ANKRD30A: variants seen among roughly 807,000 people sequenced by gnomAD.
ANKRD30A encodes ankyrin repeat domain 30A.
ANKRD30A carries 170 observed loss-of-function variants against 166.3 expected under a neutral mutation model. The observed-to-expected ratio is 1.02, with a 90% CI of 0.90 to 1.16. ANKRD30A has a LOEUF of 1.16. Among genes scored for constraint, ANKRD30A ranks in the 50% most tolerant of loss-of-function variants. The probability of loss-of-function intolerance (pLI) is 0.00; values close to 1 mark genes in which losing one functional copy is unlikely to be tolerated. For synonymous variants in ANKRD30A, 564 were observed against 508.9 expected (o/e 1.11, Z -1.46); for missense variants, 1,630 against 1,518.0 (o/e 1.07, Z -1.23).
At chr10:37,212,910 T>C (rs553409291) in intron 31 of ANKRD30A, among the ~76,000 whole-genome samples, 185 of 152,032 alleles carry the variant, frequency 1.2e-3, no homozygotes, top group African/African-American at 4.4e-3. Context: ...TTTGTCTAAG[T>C]TGTCATGTTT....
At chr10:37,205,956 A>G (rs1841966428) in intron 31 of ANKRD30A, among the ~76,000 whole-genome samples, 1 of 152,200 alleles carries the variant, frequency 6.6e-6, no homozygotes. Flanking sequence ...ATGTCAAGAC[A>G]TAACAGAGTC....
the ANKRD30A span, among the ~76,000 whole-genome samples, chr10:37,250,350 G>A: frequency 1.4e-4 from 22 of 152,182 alleles, no homozygotes; most frequent in Middle Eastern, 3.4e-3. Flanking sequence ...CAGAGAAGGA[G>A]CATTCATGGC....
chr10:37,149,609 A>G, intron 9 of ANKRD30A, 42 bp from the exon 10 acceptor site: 2 of 1,599,124 alleles, frequency 1.3e-6, no homozygotes, highest in South Asian at 2.2e-5. Context: ...TGGCATTGTC[A>G]TACTTACTTA....
intron 27 of ANKRD30A, among the ~76,000 whole-genome samples, chr10:37,195,509 C>T (rs1418795641): frequency 6.6e-6 from 1 of 152,142 alleles, no homozygotes; most frequent in Non-Finnish European, 1.5e-5. Context: ...CTGGTTGTAA[C>T]TCCAGCAGTT....
At position 37,147,458 on chromosome 10, in the gene ANKRD30A, G is replaced by A; in HGVS notation, c.1543+1G>A. ...ATGGAGATAAATAGAGAAGTAGAAGGTAAGAACGATTTTTTATTTGAAAAG... is the reference window on the plus strand; with the variant it reads ...ATGGAGATAAATAGAGAAGTAGAAGATAAGAACGATTTTTTATTTGAAAAG... On this transcript the variant is annotated splice_donor_variant, in intron 9 of 35. Coordinates refer to ENST00000361713, the MANE Select transcript of ANKRD30A (RefSeq NM_052997.3). LOFTEE classifies it high-confidence loss of function. 2 of 1,555,488 alleles carry A rather than the reference G, an allele frequency of 1.3e-6. No individual in the cohort carries two copies. Among genetic ancestry groups the A allele is most frequent in the South Asian group, 2.4e-5 (2 of 84,628 alleles).
At chr10:37,242,226 G>A in the ANKRD30A span, among the ~76,000 whole-genome samples, 1 of 152,154 alleles carries the variant, frequency 6.6e-6, no homozygotes, top group Admixed American at 6.5e-5. Flanking sequence ...CTTCAATTGA[G>A]TTTTTGTAAT....
chr10:37,243,333 A>G, the ANKRD30A span, among the ~76,000 whole-genome samples: 1 of 147,364 alleles, frequency 6.8e-6, no homozygotes, highest in South Asian at 2.2e-4. Context: ...TTTAGTAGAG[A>G]CGGGTTTTCA....
intron 4 of ANKRD30A, 61 bp from the exon 5 acceptor site, chr10:37,133,855 G>T: frequency 6.4e-7 from 1 of 1,571,030 alleles, no homozygotes; most frequent in South Asian, 1.1e-5. Context: ...ATTCTACAAT[G>T]ACAGGCACAT....
chr10:37,130,023 A>AT lies in ANKRD30A; in HGVS notation c.336+21dup. ...TCTGATGAAGGTAAATAGTAGCCAG[A>AT]TTTTTCAGCAGGAGATGGATTTGGT... On this transcript the variant is annotated intron_variant, in intron 2 of 35. Transcript: ENST00000361713. 6.8e-7 allele frequency: 1 copy of AT among 1,463,352 alleles called. No homozygotes were observed. The highest frequency in any genetic ancestry group is 9.1e-7 in the Non-Finnish European group (1 of 1,101,524). 90.6% of individuals were successfully genotyped at this position (1,463,352 alleles called of 1,614,324 possible).
At chr10:37,217,010 T>A (rs1307107143) in intron 32 of ANKRD30A, among the ~76,000 whole-genome samples, 1 of 151,010 alleles carries the variant, frequency 6.6e-6, no homozygotes, top group Admixed American at 6.6e-5. Flanking sequence ...CTACATAAAA[T>A]GAATTCAGAG....
chr10:37,254,062 T>A, the ANKRD30A span, among the ~76,000 whole-genome samples: 1 of 152,252 alleles, frequency 6.6e-6, no homozygotes, highest in Non-Finnish European at 1.5e-5. Context: ...TGCTTGCCAA[T>A]TCACTGTTGG....
intron 1 of ANKRD30A, 90 bp from the exon 2 acceptor site, chr10:37,129,803 C>T (rs530336955): frequency 4.2e-5 from 26 of 613,256 alleles, no homozygotes; most frequent in African/African-American, 3.2e-4. Context: ...AGAGAAAGAG[C>T]GTGGTATTTA....
At position 37,167,601 on chromosome 10, in the gene ANKRD30A, T is replaced by G. The variant is rs554804527; in HGVS notation, c.2155+906T>G. ...TGCAACTAAATTTAAATGAAATACA[T>G]CAATATTGAAAGCTTATTAAATTTG... On this transcript the variant is annotated intron_variant, in intron 19 of 35. Coordinates refer to ENST00000361713, the MANE Select transcript of ANKRD30A (RefSeq NM_052997.3). Among the ~76,000 whole-genome samples, 5 of 151,928 alleles carry G rather than the reference T, an allele frequency of 3.3e-5. No homozygotes were observed. In the South Asian group the frequency reaches 6.2e-4, roughly 19 times the overall value.
At chr10:37,178,129 G>A (rs1433296755) in intron 24 of ANKRD30A, among the ~76,000 whole-genome samples, 17 of 151,292 alleles carry the variant, frequency 1.1e-4, no homozygotes, top group Non-Finnish European at 1.5e-5. Flanking sequence ...TGATTGTTTA[G>A]GAAAAGATCG....
intron 31 of ANKRD30A, among the ~76,000 whole-genome samples, chr10:37,204,398 G>A (rs987820238): frequency 6.6e-5 from 10 of 152,142 alleles, no homozygotes; most frequent in African/African-American, 1.2e-4. Flanking sequence ...ATGGTGCTGG[G>A]AAAACTGGCT....
rs1379638955 is a variant in ANKRD30A at position 37,195,274 on chromosome 10, TCAAA to T, written c.2615-2002_2615-1999del. ...TTTTTCTTTTTCAAAAAGATATAAA[TCAAA>T]CAAAATCAAAATTTTGTTTATAATG... On this transcript the variant is annotated intron_variant, in intron 27 of 35. Transcript: ENST00000361713. Among the ~76,000 whole-genome samples the T allele has an allele frequency of 8.5e-5, 13 of 152,278 alleles. No individual in the cohort carries two copies. The East Asian group carries it at 2.5e-3, about 29-fold the overall frequency.
chr10:37,254,200 A>C, the ANKRD30A span, among the ~76,000 whole-genome samples: 3 of 152,284 alleles, frequency 2.0e-5, no homozygotes, highest in South Asian at 6.2e-4. Flanking sequence ...TGTATGTTTC[A>C]TTCATAAATT....
the ANKRD30A span, among the ~76,000 whole-genome samples, chr10:37,259,373 T>C: frequency 6.6e-6 from 1 of 152,180 alleles, no homozygotes; most frequent in Non-Finnish European, 1.5e-5. Flanking sequence ...TAATGCCAAG[T>C]GACAGCAAGG....
chr10:37,220,459 A>G (rs1008352602), intron 34 of ANKRD30A, among the ~76,000 whole-genome samples: 5 of 150,880 alleles, frequency 3.3e-5, no homozygotes, highest in Admixed American at 2.7e-4. Flanking sequence ...ATAGAATTTT[A>G]TTTTCATTTA....
Sources: allele counts gnomAD v4.1 joint callset (sites outside exome capture counted in the v4.1 genomes callset), GRCh38; gene constraint gnomAD v4.1.1; transcripts MANE v1.5; gene names NCBI Gene and HGNC (gene_info 2026-07-23, HGNC 2026-07-21).